Variants in MANBA observed in about 807,000 individuals in gnomAD.
The protein encoded by MANBA is beta-mannosidase.
MANBA carries 83 observed loss-of-function variants against 111.1 expected under a neutral mutation model. That is an observed-to-expected ratio of 0.75 (90% confidence interval 0.63 to 0.90). The LOEUF (loss-of-function observed/expected upper bound fraction) is 0.90, where lower values mean the gene tolerates loss of function less well. Ranked by LOEUF, MANBA falls within the 40% of genes least tolerant of loss-of-function variation. MANBA has a pLI of 0.00. For missense variants in MANBA, 1,036 were observed against 1,069.0 expected, an observed-to-expected ratio of 0.97 and a Z score of 0.43; for synonymous variants, 370 against 378.7, an observed-to-expected ratio of 0.98 and a Z score of 0.27.
In MANBA at chr4:102,656,174, A is replaced by G. The variant is rs111352838; in HGVS notation, c.1704+1508T>C. 1.2e-4 allele frequency among the ~76,000 whole-genome samples: 18 copies of G among 152,278 alleles called. 1 individual carries two copies. The highest frequency in any genetic ancestry group is 4.3e-4 in the African/African-American group (18 of 41,556). ...GATGCTGAGGCAGGAGGATTGCTTC[A>G]GCCTGAGAGGTCAAATCTGCAGTGA... On this transcript the variant is annotated intron_variant, in intron 12 of 16. Coordinates refer to ENST00000647097, the MANE Select transcript of MANBA (RefSeq NM_005908.4).
In MANBA at chr4:102,650,568, C is replaced by A. The variant is rs377540450; in HGVS notation, c.1838G>T (p.Arg613Leu). ...FKLPQSTDPL[R>L]TFKDTIYLTQ... The stretch of plus-strand genomic sequence containing the variant: ...AAGGTAGATGGTATCTTTAAATGTG[C>A]GTAATGGATCTGTGCTTTGGGGGAG... Residue 613 changes from arginine to leucine, a missense_variant, in exon 13 of 17, where the codon CGC becomes CTC. Arg to Leu is a moderately radical substitution (Grantham distance 102, BLOSUM62 -2). Transcript: ENST00000647097. 5.9e-5 allele frequency: 95 copies of A among 1,613,322 alleles called. No individual in the cohort carries two copies. Among genetic ancestry groups the A allele is most frequent in the South Asian group, 4.3e-4 (39 of 91,072 alleles).
chr4:102,635,600 C>T (rs1729590224), intron 15 of MANBA, among the ~76,000 whole-genome samples: 2 of 152,098 alleles, frequency 1.3e-5, no homozygotes, highest in Non-Finnish European at 2.9e-5. Context: ...ATGTGATTTG[C>T]TTTCATCTAG....
intron 5 of MANBA, among the ~76,000 whole-genome samples, chr4:102,710,395 G>T (rs1722006358): frequency 6.6e-6 from 1 of 151,988 alleles, no homozygotes; most frequent in African/African-American, 2.4e-5. Context: ...AATCAAGAAG[G>T]CAATCCCATT....
Position 102,755,192 on chromosome 4 carries a change from G to A in MANBA, c.177+5526C>T, listed in dbSNP as rs375274235. On this transcript the variant is annotated intron_variant, in intron 1 of 16. Coordinates refer to ENST00000647097, the MANE Select transcript of MANBA (RefSeq NM_005908.4). ...CTCCTAAGCCAAAAGAACAAAGCTGGAGGCATCACGTTACCTGACTTCAAA... is the reference window on the plus strand; with the variant it reads ...CTCCTAAGCCAAAAGAACAAAGCTGAAGGCATCACGTTACCTGACTTCAAA... 3.9e-5 allele frequency among the ~76,000 whole-genome samples: 6 copies of A among 152,266 alleles called. No homozygotes were observed. In the South Asian group the frequency reaches 6.2e-4, roughly 16 times the overall value.
chr4:102,715,439 A>G (rs1174679927), intron 4 of MANBA, among the ~76,000 whole-genome samples: 4 of 152,192 alleles, frequency 2.6e-5, no homozygotes, highest in Non-Finnish European at 5.9e-5. Context: ...CTATCATAAT[A>G]AATGTTTTGT....
At chr4:102,720,955 A>G (rs953571480) in intron 4 of MANBA, among the ~76,000 whole-genome samples, 2 of 152,244 alleles carry the variant, frequency 1.3e-5, no homozygotes, top group Non-Finnish European at 2.9e-5. Context: ...AGAACATATT[A>G]GCTAATGTAA....
intron 9 of MANBA, chr4:102,670,817 G>C (rs1402042874): frequency 6.4e-6 from 1 of 155,130 alleles, no homozygotes; most frequent in Non-Finnish European, 1.4e-5. Flanking sequence ...AGTAAGCTGA[G>C]ATTGCACCAT....
chr4:102,749,974 A>G (rs1723729534), intron 1 of MANBA, among the ~76,000 whole-genome samples: 1 of 152,226 alleles, frequency 6.6e-6, no homozygotes. Flanking sequence ...ACAAGAAAGT[A>G]TATGTCCAGG....
chr4:102,712,231 C>A (rs1388267856), intron 5 of MANBA, among the ~76,000 whole-genome samples: 1 of 152,062 alleles, frequency 6.6e-6, no homozygotes, highest in Non-Finnish European at 1.5e-5. Context: ...TTAACCTTCA[C>A]CAATGTAGTT....
At chr4:102,689,489 T>C (rs1560775226) in intron 7 of MANBA, 85 bp downstream of exon 7, 1 of 874,214 alleles carries the variant, frequency 1.1e-6, no homozygotes, top group Non-Finnish European at 1.8e-6. Flanking sequence ...GTTTTGACGG[T>C]TTCTTCTTTT....
intron 1 of MANBA, chr4:102,727,964 G>A (rs1033390053): frequency 3.9e-5 from 17 of 439,162 alleles, no homozygotes; most frequent in African/African-American, 2.0e-4. Context: ...TGGAATGTAC[G>A]ATTGGTTTTA....
At position 102,723,852 on chromosome 4, in the gene MANBA, A is replaced by T; in HGVS notation, c.378+10T>A. 1 of 1,493,272 alleles carries T rather than the reference A, an allele frequency of 6.7e-7. No homozygotes were observed. The highest frequency in any genetic ancestry group is 1.2e-5 in the South Asian group (1 of 86,680). 92.5% of individuals were successfully genotyped at this position (1,493,272 alleles called of 1,614,324 possible). On this transcript the variant is annotated intron_variant, in intron 3 of 16. Transcript: ENST00000647097. ...AAATTTTTTTTAACCTAATGTCATT[A>T]TATACTTACATATCTATTGAACATA... is the stretch of plus-strand genomic sequence containing the variant.
intron 7 of MANBA, among the ~76,000 whole-genome samples, chr4:102,684,015 C>T (rs760222471): frequency 2.4e-4 from 36 of 151,908 alleles, no homozygotes; most frequent in Non-Finnish European, 4.3e-4. Context: ...TGATTCCATA[C>T]ATTTCTGCTG....
intron 14 of MANBA, among the ~76,000 whole-genome samples, chr4:102,638,351 G>A (rs1370899518): frequency 6.6e-6 from 1 of 152,174 alleles, no homozygotes; most frequent in Non-Finnish European, 1.5e-5. Flanking sequence ...GCTTGAGCCT[G>A]TGGGGTGGAG....
At chr4:102,704,134 C>T (rs111507217) in intron 5 of MANBA, among the ~76,000 whole-genome samples, 4,134 of 151,698 alleles carry the variant, frequency 0.027, 129 homozygotes, top group African/African-American at 0.076. Context: ...AAATGCTGAA[C>T]GTCTGGGGAG....
intron 1 of MANBA, chr4:102,751,570 T>C (rs1723801667): frequency 9.3e-6 from 5 of 537,342 alleles, no homozygotes; most frequent in African/African-American, 1.9e-5. Flanking sequence ...TATTTCCTTA[T>C]TAAGGGCCAG....
intron 15 of MANBA, among the ~76,000 whole-genome samples, chr4:102,635,475 T>C (rs181166106): frequency 2.8e-4 from 42 of 152,374 alleles, no homozygotes; most frequent in African/African-American, 9.4e-4. Context: ...TGAATAGTTT[T>C]ACTGATTTTC....
intron 1 of MANBA, chr4:102,751,510 T>C (rs765068934): frequency 2.4e-5 from 13 of 531,602 alleles, no homozygotes; most frequent in Non-Finnish European, 5.0e-5. Flanking sequence ...AGTAACATCA[T>C]CAATAAATTA....
At chr4:102,697,363 A>G (rs1040260452) in intron 5 of MANBA, among the ~76,000 whole-genome samples, 6 of 151,872 alleles carry the variant, frequency 4.0e-5, no homozygotes, top group African/African-American at 1.5e-4. Flanking sequence ...TTATTTTTTT[A>G]TTATTATTAT....
Sources: gnomAD v4.1 joint callset for allele counts (sites outside exome capture counted in the v4.1 genomes callset) on GRCh38, gnomAD v4.1.1 for gene constraint, MANE v1.5 for transcripts, NCBI Gene and HGNC (gene_info 2026-07-23, HGNC 2026-07-21) for gene names.